Variants in LOXHD1 observed in about 807,000 individuals in gnomAD.
The protein encoded by LOXHD1 is lipoxygenase homology PLAT domains 1, also known as lipoxygenase homology domain-containing protein 1.
A neutral mutation model predicts 248.2 loss-of-function variants in LOXHD1; 205 were observed. The observed-to-expected ratio is 0.83, with a 90% confidence interval of 0.74 to 0.93. The LOEUF is 0.93. LOXHD1 is among the 40% of genes least tolerant of loss of function. The probability of loss-of-function intolerance (pLI) is 0.00; values close to 1 mark genes in which losing one functional copy is unlikely to be tolerated. For synonymous variants in LOXHD1, 1,113 were observed against 1,162.8 expected (o/e 0.96, Z 0.87); for missense variants, 2,930 against 2,971.6 (o/e 0.99, Z 0.33).
intron 10 of LOXHD1, among the ~76,000 whole-genome samples, 173 bp from the exon 11 acceptor site, chr18:46,592,757 A>G (rs1288480829): frequency 6.6e-6 from 1 of 152,148 alleles, no homozygotes; most frequent in Non-Finnish European, 1.5e-5. Flanking sequence ...GACCCTTGTA[A>G]CCAGGAGCAC....
chr18:46,601,164 T>C lies in LOXHD1; in HGVS notation c.1134+53A>G, dbSNP rs536997718. The C allele has an allele frequency of 7.9e-6, 12 of 1,523,650 alleles. No individual in the cohort carries two copies. In the African/African-American group the frequency reaches 1.4e-4, roughly 18 times the overall value. The allele number at this position is 1,523,650 out of a possible 1,614,324, so 94.4% of individuals were successfully genotyped here. A position where few individuals can be genotyped will look rare whatever the true frequency, so the allele number is the denominator to read the frequency against. ...CAGGTTAAAGTTTGTACTTGCAAGT[T>C]AAAGAGGAGAGGGGTTGAATCAGGG... On this transcript the variant is annotated intron_variant, in intron 8 of 40. Transcript: ENST00000642948.
At chr18:46,571,808 G>C (rs765034735) in intron 15 of LOXHD1, among the ~76,000 whole-genome samples, 4 of 152,200 alleles carry the variant, frequency 2.6e-5, no homozygotes, top group Non-Finnish European at 4.4e-5. Flanking sequence ...CTGAATGACA[G>C]GTACTGCCAA....
intron 12 of LOXHD1, among the ~76,000 whole-genome samples, chr18:46,586,889 T>C (rs2038071638): frequency 6.6e-6 from 1 of 152,236 alleles, no homozygotes; most frequent in Admixed American, 6.5e-5. Context: ...CCATTTTATT[T>C]GGAGATATGC....
chr18:46,502,391 G>A (rs1460158450), intron 37 of LOXHD1, among the ~76,000 whole-genome samples: 1 of 152,200 alleles, frequency 6.6e-6, no homozygotes, highest in African/African-American at 2.4e-5. Context: ...GTGGAGTTCA[G>A]ATTTGGATAA....
chr18:46,497,764 G>A (rs2033964460), intron 37 of LOXHD1, among the ~76,000 whole-genome samples: 1 of 152,200 alleles, frequency 6.6e-6, no homozygotes, highest in Non-Finnish European at 1.5e-5. Context: ...AAGTAAAAGA[G>A]ACAGAATACA....
intron 4 of LOXHD1, among the ~76,000 whole-genome samples, chr18:46,632,762 G>T (rs945624461): frequency 2.0e-5 from 3 of 152,168 alleles, no homozygotes; most frequent in Non-Finnish European, 4.4e-5. Context: ...CCTTCCACAG[G>T]CCCCAGAAGG....
chr18:46,605,980 C>A (rs2038407282), intron 6 of LOXHD1, among the ~76,000 whole-genome samples: 1 of 152,128 alleles, frequency 6.6e-6, no homozygotes, highest in Admixed American at 6.5e-5. Context: ...AGGGGCAGAA[C>A]TCTGGAAAGA....
intron 21 of LOXHD1, among the ~76,000 whole-genome samples, chr18:46,554,921 C>G (rs568272551): frequency 6.6e-6 from 1 of 151,848 alleles, no homozygotes; most frequent in East Asian, 1.9e-4. Context: ...CACTTAATGG[C>G]ATAACAATCA....
rs572310666 is a variant in LOXHD1 at position 46,601,872 on chromosome 18, A to G, written c.884-405T>C. Among the ~76,000 whole-genome samples, 3 of 152,220 alleles carry G rather than the reference A, an allele frequency of 2.0e-5. No homozygotes were observed. The East Asian group carries it at 5.8e-4, about 29-fold the overall frequency. On this transcript the variant is annotated intron_variant, in intron 7 of 40. Coordinates refer to ENST00000642948, the MANE Select transcript of LOXHD1 (RefSeq NM_001384474.1). ...TCTAATTATAATAGTCAACTCCATT[A>G]ATGGAGATTTACGTTCAGGGCTATC...
rs770124946 is a variant in LOXHD1 at position 46,579,779 on chromosome 18, G to A, written c.1660C>T (p.Arg554Trp). Reference protein sequence around the residue: ...PTVRRIMGMARYHVTVCTGEL... With the variant: ...PTVRRIMGMAWYHVTVCTGEL... ...CCTGTGCACACAGTCACATGGTACCGGGCCACTGGCAGGCAGAGAGAGGGA... is the reference window on the plus strand; with the variant it reads ...CCTGTGCACACAGTCACATGGTACCAGGCCACTGGCAGGCAGAGAGAGGGA... The change falls in exon 13 of 41, where the codon CGG becomes TGG. Residue 554 changes from arginine to tryptophan, a missense_variant. By Grantham distance (101) the Arg-to-Trp change is moderately radical (BLOSUM62 -3). Coordinates refer to ENST00000642948, the MANE Select transcript of LOXHD1 (RefSeq NM_001384474.1). The A allele has an allele frequency of 2.7e-5, 42 of 1,551,086 alleles. No individual in the cohort carries two copies. Among genetic ancestry groups the A allele is most frequent in the South Asian group, 4.8e-5 (4 of 84,038 alleles).
At position 46,477,893 on chromosome 18, in the gene LOXHD1, AC is replaced by A; in HGVS notation, c.6400del (p.Val2134TyrfsTer27). On this transcript the variant is annotated frameshift_variant, in exon 41 of 41. Coordinates refer to ENST00000642948, the MANE Select transcript of LOXHD1 (RefSeq NM_001384474.1). LOFTEE classifies it high-confidence loss of function. ...PLKRKRKYFK[V>X]FEVTKTTESF... Reference sequence around the variant, plus strand: ...CTCTGTCGTCTTGGTAACCTCGAATACCTTGAAGTACTTCCTCTTCCTCTTG... The same window carrying A: ...CTCTGTCGTCTTGGTAACCTCGAATACTTGAAGTACTTCCTCTTCCTCTTG... The A allele has an allele frequency of 6.4e-7, 1 of 1,551,486 alleles. No homozygotes were observed. Among genetic ancestry groups the A allele is most frequent in the Non-Finnish European group, 8.7e-7 (1 of 1,146,828 alleles).
Position 46,572,130 on chromosome 18 carries a change from A to G in LOXHD1, c.2003T>C (p.Leu668Pro), listed in dbSNP as rs1387800469. The change falls in exon 15 of 41, where the codon CTG becomes CCG. Residue 668 changes from leucine to proline, a missense_variant. Physicochemically the swap from Leu to Pro is moderately conservative, Grantham distance 98. Transcript: ENST00000642948. ...WLDKDKDDGQ[L>P]VRELLPSDSS... The stretch of plus-strand genomic sequence containing the variant: ...GTCACTGGGTAGCAACTCTCGGACC[A>G]GCTGCCCATCATCCTTATCCTTGTC... 1 of 1,551,896 alleles carries G rather than the reference A, an allele frequency of 6.4e-7. No homozygotes were observed. Among genetic ancestry groups the G allele is most frequent in the East Asian group, 2.4e-5 (1 of 40,926 alleles).
chr18:46,477,347 G>T lies in LOXHD1; in HGVS notation c.*125C>A. ...AGGGTGGGGAGCAGGACCCCATGAAGTTCTCAGTGGACTGCTAGCCCCCAG... is the reference window on the plus strand; with the variant it reads ...AGGGTGGGGAGCAGGACCCCATGAATTTCTCAGTGGACTGCTAGCCCCCAG... On this transcript the variant is annotated 3_prime_UTR_variant, in exon 41 of 41. Coordinates refer to ENST00000642948, the MANE Select transcript of LOXHD1 (RefSeq NM_001384474.1). 2 of 1,338,836 alleles carry T rather than the reference G, an allele frequency of 1.5e-6. No homozygotes were observed. Among genetic ancestry groups the T allele is most frequent in the South Asian group, 1.3e-5 (1 of 78,310 alleles). 82.9% of individuals were successfully genotyped at this position (1,338,836 alleles called of 1,614,324 possible). A position where few individuals can be genotyped will look rare whatever the true frequency, so the allele number is the denominator to read the frequency against.
intron 12 of LOXHD1, among the ~76,000 whole-genome samples, chr18:46,587,092 T>C (rs2038076267): frequency 6.6e-6 from 1 of 152,180 alleles, no homozygotes; most frequent in African/African-American, 2.4e-5. Flanking sequence ...TGCCTACCAA[T>C]ATTGTCTCCT....
At position 46,477,835 on chromosome 18, in the gene LOXHD1, G is replaced by A. The variant is rs1219311311; in HGVS notation, c.6459C>T (p.Pro2153=). 44 of 1,551,698 alleles carry A rather than the reference G, an allele frequency of 2.8e-5. No individual in the cohort carries two copies. The highest frequency in any genetic ancestry group is 3.5e-5 in the Non-Finnish European group (40 of 1,147,028). ...SFASKVQSLV[P]VKYEVIVTTG... ...TTGTCACGATGACTTCGTACTTGAC[G>A]GGCACCAGGCTCTGGACCTTGCTGG... is the stretch of plus-strand genomic sequence containing the variant. The change falls in exon 41 of 41, where the codon CCC becomes CCT. Residue 2153 remains proline (P), a synonymous_variant. Transcript: ENST00000642948.
At chr18:46,586,349 T>G (rs1017115673) in intron 12 of LOXHD1, among the ~76,000 whole-genome samples, 2 of 152,208 alleles carry the variant, frequency 1.3e-5, no homozygotes, top group African/African-American at 4.8e-5. Context: ...CACGATTTTA[T>G]TAATATACTA....
intron 37 of LOXHD1, among the ~76,000 whole-genome samples, chr18:46,495,014 C>T (rs917966495): frequency 6.6e-6 from 1 of 151,842 alleles, no homozygotes; most frequent in African/African-American, 2.4e-5. Context: ...CCACTGCGCC[C>T]GGCTTTTTTT....
chr18:46,645,642 G>T (rs1006464865), intron 2 of LOXHD1, among the ~76,000 whole-genome samples: 3 of 152,110 alleles, frequency 2.0e-5, no homozygotes, highest in African/African-American at 7.2e-5. Context: ...TGGGGTCGGG[G>T]TAGAGGTTCA....
intron 4 of LOXHD1, among the ~76,000 whole-genome samples, chr18:46,632,052 C>T (rs1037019097): frequency 3.9e-5 from 6 of 152,198 alleles, no homozygotes; most frequent in African/African-American, 1.4e-4. Context: ...GACCAAGAAA[C>T]AGAAGAGGCA....
Sources: allele counts gnomAD v4.1 joint callset (sites outside exome capture counted in the v4.1 genomes callset), GRCh38; gene constraint gnomAD v4.1.1; transcripts MANE v1.5; gene names NCBI Gene and HGNC (gene_info 2026-07-23, HGNC 2026-07-21).